The following SCAPER variants were observed in gnomAD, a reference collection of about 807,000 sequenced individuals.
SCAPER encodes S phase cyclin A-associated protein in the endoplasmic reticulum.
A neutral mutation model predicts 182.2 loss-of-function variants in SCAPER; 98 were observed. The observed-to-expected ratio is 0.54, with a 90% CI of 0.46 to 0.64. The LOEUF is 0.64. Among genes scored for constraint, SCAPER ranks in the 30% least tolerant of loss-of-function variants. The probability of loss-of-function intolerance (pLI) is 0.00; values close to 1 mark genes in which losing one functional copy is unlikely to be tolerated. For synonymous variants in SCAPER, 605 were observed against 564.6 expected (o/e 1.07, Z -1.01); for missense variants, 1,432 against 1,690.0 (o/e 0.85, Z 2.68).
At chr15:76,680,408 G>A (rs1265185477) in intron 20 of SCAPER, among the ~76,000 whole-genome samples, 3 of 115,130 alleles carry the variant, frequency 2.6e-5, no homozygotes, top group Non-Finnish European at 1.8e-5. Flanking sequence ...TGATGATGAT[G>A]ATGATAATAA....
At chr15:76,520,124 A>T (rs1416264577) in intron 23 of SCAPER, among the ~76,000 whole-genome samples, 1 of 152,236 alleles carries the variant, frequency 6.6e-6, no homozygotes, top group East Asian at 1.9e-4. Flanking sequence ...ATCCATGAAC[A>T]ACTGTGTATT....
intron 23 of SCAPER, among the ~76,000 whole-genome samples, chr15:76,518,216 A>G (rs963122060): frequency 2.6e-5 from 4 of 152,190 alleles, no homozygotes; most frequent in Non-Finnish European, 5.9e-5. Context: ...CTGGCCTTCA[A>G]TAGTTCCTCA....
At chr15:76,509,776 A>C (rs1235824597) in intron 23 of SCAPER, among the ~76,000 whole-genome samples, 1 of 152,184 alleles carries the variant, frequency 6.6e-6, no homozygotes, top group Non-Finnish European at 1.5e-5. Flanking sequence ...AGCAAGACTA[A>C]ACAAAAAGAA....
At chr15:76,484,092 T>C (rs1490737123) in intron 24 of SCAPER, among the ~76,000 whole-genome samples, 2 of 152,194 alleles carry the variant, frequency 1.3e-5, no homozygotes, top group Admixed American at 6.5e-5. Flanking sequence ...GCAACTAAGC[T>C]ATCCTTCAGT....
At chr15:76,642,309 T>C (rs904457638) in intron 21 of SCAPER, among the ~76,000 whole-genome samples, 3 of 152,210 alleles carry the variant, frequency 2.0e-5, no homozygotes, top group African/African-American at 7.2e-5. Context: ...TAAAAGCTTA[T>C]TGATGCTGCT....
chr15:76,696,291 ATTTC>A (rs769182685), intron 20 of SCAPER, among the ~76,000 whole-genome samples: 12 of 152,142 alleles, frequency 7.9e-5, no homozygotes, highest in Non-Finnish European at 1.5e-4. Flanking sequence ...CTAATTTAAA[ATTTC>A]TTTATTTTCC....
At chr15:76,763,558 A>G (rs2062928644) in intron 14 of SCAPER, among the ~76,000 whole-genome samples, 1 of 152,150 alleles carries the variant, frequency 6.6e-6, no homozygotes, top group African/African-American at 2.4e-5. Flanking sequence ...TTTAAAAAAA[A>G]AAAGGCTTTC....
intron 22 of SCAPER, among the ~76,000 whole-genome samples, chr15:76,605,499 C>G (rs2050306748): frequency 6.6e-6 from 1 of 152,114 alleles, no homozygotes; most frequent in Non-Finnish European, 1.5e-5. Context: ...TTGGTTGTGT[C>G]TCTGCCAGGC....
intron 17 of SCAPER, among the ~76,000 whole-genome samples, chr15:76,712,484 G>A (rs960650471): frequency 1.1e-3 from 173 of 152,284 alleles, no homozygotes; most frequent in Middle Eastern, 0.01. Flanking sequence ...GAAAGTCATC[G>A]GTAGCTTGAT....
In SCAPER at chr15:76,386,845, G is replaced by C. The variant is rs149238135; in HGVS notation, c.3468-5230C>G. Reference sequence around the variant, plus strand: ...GCAGAGAAGATCAGGTAGAGTCTTGGAAACCATTATAAAACTTTTACTGAG... The same window carrying C: ...GCAGAGAAGATCAGGTAGAGTCTTGCAAACCATTATAAAACTTTTACTGAG... On this transcript the variant is annotated intron_variant, in intron 27 of 31. Coordinates refer to ENST00000563290, the MANE Select transcript of SCAPER (RefSeq NM_020843.4). 3.7e-4 allele frequency among the ~76,000 whole-genome samples: 57 copies of C among 152,268 alleles called. No homozygotes were observed. The East Asian group carries it at 0.011, about 29-fold the overall frequency.
rs150589676 is a variant in SCAPER at position 76,699,492 on chromosome 15, C to T, written c.2508+2266G>A. On this transcript the variant is annotated intron_variant, in intron 20 of 31. Coordinates refer to ENST00000563290, the MANE Select transcript of SCAPER (RefSeq NM_020843.4). ...CATGAAAGGATGTTCCTTTCATCTT[C>T]GAAATTGCTGTCCTTTGGATGAGGC... 7.2e-5 allele frequency among the ~76,000 whole-genome samples: 11 copies of T among 152,262 alleles called. No individual in the cohort carries two copies. In the East Asian group the frequency reaches 1.7e-3, roughly 24 times the overall value.
chr15:76,697,005 T>G (rs1276621984), intron 20 of SCAPER, among the ~76,000 whole-genome samples: 1 of 152,136 alleles, frequency 6.6e-6, no homozygotes, highest in Non-Finnish European at 1.5e-5. Flanking sequence ...ACAAAATGTG[T>G]CAAAGATCAA....
chr15:76,781,199 C>A (rs1014758337), intron 8 of SCAPER, among the ~76,000 whole-genome samples: 4 of 152,096 alleles, frequency 2.6e-5, no homozygotes, highest in African/African-American at 7.2e-5. Flanking sequence ...TTTAAATGAC[C>A]TGATAGAACT....
intron 8 of SCAPER, among the ~76,000 whole-genome samples, chr15:76,779,554 T>C (rs933003407): frequency 6.6e-6 from 1 of 152,172 alleles, no homozygotes; most frequent in South Asian, 2.1e-4. Context: ...ATATACAATT[T>C]AAAAGAAAGA....
intron 25 of SCAPER, among the ~76,000 whole-genome samples, chr15:76,449,826 C>T (rs995748953): frequency 1.3e-5 from 2 of 152,194 alleles, no homozygotes; most frequent in African/African-American, 4.8e-5. Flanking sequence ...GGAATCTCTC[C>T]CTCCTCTGAC....
At chr15:76,709,006 T>C (rs186441811) in intron 17 of SCAPER, among the ~76,000 whole-genome samples, 1 of 152,148 alleles carries the variant, frequency 6.6e-6, no homozygotes, top group African/African-American at 2.4e-5. Context: ...GGGGAGATTA[T>C]GGTGAGCTGA....
Position 76,593,495 on chromosome 15 carries a change from G to T in SCAPER, c.2712-19211C>A, listed in dbSNP as rs547305151. Among the ~76,000 whole-genome samples, 7 of 121,408 alleles carry T rather than the reference G, an allele frequency of 5.8e-5. No homozygotes were observed. In the East Asian group the frequency reaches 1.6e-3, roughly 27 times the overall value. The allele number at this position is 121,408 out of a possible 152,430, so 79.6% of individuals were successfully genotyped here. On this transcript the variant is annotated intron_variant, in intron 22 of 31. Transcript: ENST00000563290. ...AATAAAGGACAGACTGCCACCTCAAGTGGGTCCCTGATCCCCATGCCTCCT... is the reference window on the plus strand; with the variant it reads ...AATAAAGGACAGACTGCCACCTCAATTGGGTCCCTGATCCCCATGCCTCCT...
At chr15:76,570,718 T>C (rs1416708186) in intron 23 of SCAPER, among the ~76,000 whole-genome samples, 1 of 152,156 alleles carries the variant, frequency 6.6e-6, no homozygotes, top group African/African-American at 2.4e-5. Context: ...CTATGGCTAC[T>C]TGTCCTTGTA....
chr15:76,384,967 A>T (rs2043203632), intron 27 of SCAPER, among the ~76,000 whole-genome samples: 2 of 152,214 alleles, frequency 1.3e-5, no homozygotes, highest in South Asian at 4.1e-4. Flanking sequence ...TACATAGAAG[A>T]TGTGAAAAAT....
Sources: allele counts gnomAD v4.1 joint callset (sites outside exome capture counted in the v4.1 genomes callset), GRCh38; gene constraint gnomAD v4.1.1; transcripts MANE v1.5; gene names NCBI Gene and HGNC (gene_info 2026-07-23, HGNC 2026-07-21).